The following RGS6 variants were observed in gnomAD, a reference collection of about 807,000 sequenced individuals.
The protein encoded by RGS6 is regulator of G protein signaling 6.
In RGS6, 30 loss-of-function variants were observed where a neutral mutation model predicts 78.5. The ratio of observed to expected loss-of-function variants is 0.38; its 90% CI spans 0.29 to 0.52. RGS6 has a LOEUF of 0.52. RGS6 is among the 20% of genes least tolerant of loss of function. RGS6 has a pLI of 0.85. For missense variants in RGS6, 495 were observed against 609.7 expected, an observed-to-expected ratio of 0.81 and a Z score of 1.98; for synonymous variants, 206 against 206.0, an observed-to-expected ratio of 1.00 and a Z score of 0.00.
rs1335068638 is a variant in RGS6 at position 72,565,030 on chromosome 14, A to G, written c.*2563A>G. 6.6e-6 allele frequency: 1 copy of G among 152,262 alleles called. No individual in the cohort carries two copies. The highest frequency in any genetic ancestry group is 1.5e-5 in the Non-Finnish European group (1 of 68,072). The allele number at this position is 152,262 out of a possible 1,614,324, so 9.4% of individuals were successfully genotyped here. The stretch of plus-strand genomic sequence containing the variant: ...ACGCAGAACTTGGTCATGCAAGTAC[A>G]TTTGGAAAATCTGGTCTTGGCCCGT... On this transcript the variant is annotated 3_prime_UTR_variant, in exon 18 of 18. Transcript: ENST00000553525.
the RGS6 span, among the ~76,000 whole-genome samples, chr14:72,614,151 A>C: frequency 2.0e-5 from 3 of 152,080 alleles, no homozygotes; most frequent in Non-Finnish European, 4.4e-5. Flanking sequence ...AGAGAATCAT[A>C]AGCAGACTCC....
chr14:72,155,315 G>A (rs2096754619), intron 2 of RGS6, among the ~76,000 whole-genome samples: 1 of 152,192 alleles, frequency 6.6e-6, no homozygotes, highest in East Asian at 1.9e-4. Context: ...CAGTGGCCGA[G>A]GTTAACATCA....
chr14:72,251,905 CAAG>C (rs2055889507), intron 2 of RGS6, among the ~76,000 whole-genome samples: 1 of 152,158 alleles, frequency 6.6e-6, no homozygotes, highest in South Asian at 2.1e-4. Flanking sequence ...CTGTTTAACA[CAAG>C]AATTTTATGG....
intron 2 of RGS6, among the ~76,000 whole-genome samples, chr14:72,240,606 CAG>C (rs1212359433): frequency 6.6e-6 from 1 of 152,132 alleles, no homozygotes; most frequent in African/African-American, 2.4e-5. Context: ...GGCAGTACCT[CAG>C]GGAATTTTTC....
intron 3 of RGS6, among the ~76,000 whole-genome samples, chr14:72,453,476 C>T (rs527612445): frequency 1.6e-4 from 24 of 148,936 alleles, no homozygotes; most frequent in Non-Finnish European, 3.3e-4. Context: ...ATTAGCCGGG[C>T]GTAGTGGCAG....
At chr14:72,497,867 A>T (rs1017189350) in intron 13 of RGS6, among the ~76,000 whole-genome samples, 2 of 150,816 alleles carry the variant, frequency 1.3e-5, no homozygotes, top group East Asian at 3.9e-4. Flanking sequence ...CTTTTTTTCC[A>T]TTCTATCCTC....
At chr14:72,277,754 C>T (rs1400344032) in intron 2 of RGS6, among the ~76,000 whole-genome samples, 1 of 151,828 alleles carries the variant, frequency 6.6e-6, no homozygotes, top group Non-Finnish European at 1.5e-5. Flanking sequence ...ATGGTGAAAC[C>T]CCGTCTCTAC....
At chr14:72,139,549 T>A (rs1167337623) in intron 2 of RGS6, among the ~76,000 whole-genome samples, 1 of 152,044 alleles carries the variant, frequency 6.6e-6, no homozygotes, top group Non-Finnish European at 1.5e-5. Context: ...GTTTCTGAGT[T>A]TAATAAGCAG....
At chr14:72,144,693 C>T (rs1319834634) in intron 2 of RGS6, among the ~76,000 whole-genome samples, 1 of 151,976 alleles carries the variant, frequency 6.6e-6, no homozygotes, top group Non-Finnish European at 1.5e-5. Flanking sequence ...CAAAAGAAGA[C>T]ACCATTCCTG....
intron 2 of RGS6, among the ~76,000 whole-genome samples, chr14:72,018,849 C>CT (rs916392364): frequency 3.2e-4 from 48 of 152,282 alleles, no homozygotes; most frequent in African/African-American, 1.2e-3. Context: ...TTAGTTGTTG[C>CT]TTTGTTTCTG....
At position 72,563,130 on chromosome 14, in the gene RGS6, A is replaced by C; in HGVS notation, c.*663A>C. 3.6e-6 allele frequency: 1 copy of C among 280,662 alleles called. No homozygotes were observed. Among genetic ancestry groups the C allele is most frequent in the South Asian group, 5.1e-5 (1 of 19,632 alleles). 17.4% of individuals were successfully genotyped at this position (280,662 alleles called of 1,614,324 possible). ...ATCAGCGTTCGGAGAGGTCCCCGCCAGCCCGGTGGCTGCCCTCAGGTCCCG... is the reference window on the plus strand; with the variant it reads ...ATCAGCGTTCGGAGAGGTCCCCGCCCGCCCGGTGGCTGCCCTCAGGTCCCG... On this transcript the variant is annotated 3_prime_UTR_variant, in exon 18 of 18. Transcript: ENST00000553525.
intron 1 of RGS6, among the ~76,000 whole-genome samples, chr14:71,956,148 A>C (rs1346124176): frequency 6.6e-6 from 1 of 152,162 alleles, no homozygotes; most frequent in African/African-American, 2.4e-5. Flanking sequence ...GTTTGTGGCC[A>C]TGAATTTAAT....
chr14:72,604,546 T>G, the RGS6 span, among the ~76,000 whole-genome samples: 1 of 152,176 alleles, frequency 6.6e-6, no homozygotes, highest in Non-Finnish European at 1.5e-5. Flanking sequence ...GCTGTCAAGT[T>G]TTATCCTCCA....
At chr14:71,988,159 C>G (rs142740716) in intron 2 of RGS6, among the ~76,000 whole-genome samples, 1 of 152,080 alleles carries the variant, frequency 6.6e-6, no homozygotes, top group Non-Finnish European at 1.5e-5. Context: ...ATGAGCCCTT[C>G]GAGGAGCTAG....
intron 2 of RGS6, among the ~76,000 whole-genome samples, chr14:72,142,738 A>T (rs1218939378): frequency 6.6e-6 from 1 of 152,162 alleles, no homozygotes; most frequent in Non-Finnish European, 1.5e-5. Flanking sequence ...TACAACATTT[A>T]ATGTTCAAGG....
chr14:72,197,191 G>C (rs2040379566), intron 2 of RGS6, among the ~76,000 whole-genome samples: 1 of 152,120 alleles, frequency 6.6e-6, no homozygotes, highest in South Asian at 2.1e-4. Context: ...TCAGTCTCCT[G>C]AGTAGCTGGG....
At chr14:72,542,868 A>G (rs1275805303) in intron 17 of RGS6, among the ~76,000 whole-genome samples, 2 of 152,208 alleles carry the variant, frequency 1.3e-5, no homozygotes, top group Admixed American at 6.5e-5. Flanking sequence ...AAGACCACAT[A>G]TGCCCCCTTT....
chr14:72,090,849 C>T (rs6574045), intron 2 of RGS6, among the ~76,000 whole-genome samples: 132,426 of 152,088 alleles, frequency 0.87, 57,995 homozygotes, highest in Admixed American at 0.93. Context: ...GGGATTGGCG[C>T]AGGCTCCTGT....
intron 2 of RGS6, among the ~76,000 whole-genome samples, chr14:72,051,143 C>T (rs1411273268): frequency 1.3e-5 from 2 of 151,942 alleles, no homozygotes; most frequent in East Asian, 3.8e-4. Context: ...AGACAACAGC[C>T]TCAAATGCAG....
Sources: allele counts gnomAD v4.1 joint callset (sites outside exome capture counted in the v4.1 genomes callset), GRCh38; gene constraint gnomAD v4.1.1; transcripts MANE v1.5; gene names NCBI Gene and HGNC (gene_info 2026-07-23, HGNC 2026-07-21).